Variants in FAR2 observed in about 807,000 individuals in gnomAD.
FAR2 encodes the protein epididymis secretory protein Li 81.
In FAR2, 19 loss-of-function variants were observed where a neutral mutation model predicts 56.0. The ratio of observed to expected loss-of-function variants is 0.34; its 90% CI spans 0.24 to 0.50. The LOEUF (loss-of-function observed/expected upper bound fraction) is 0.50, where lower values mean the gene tolerates loss of function less well. Ranked by LOEUF, FAR2 falls within the 20% of genes least tolerant of loss-of-function variation. FAR2 has a pLI of 0.98. For synonymous variants in FAR2, 219 were observed against 218.8 expected (o/e 1.00, Z -0.01); for missense variants, 508 against 642.2 (o/e 0.79, Z 2.26).
At chr12:29,194,337 T>A (rs1950127173) in intron 1 of FAR2, among the ~76,000 whole-genome samples, 1 of 152,174 alleles carries the variant, frequency 6.6e-6, no homozygotes, top group Admixed American at 6.5e-5. Context: ...ATTCCCAGTA[T>A]GTGAACTCGT....
chr12:29,245,946 A>G (rs975396093), intron 1 of FAR2, among the ~76,000 whole-genome samples: 13 of 152,138 alleles, frequency 8.5e-5, no homozygotes, highest in Non-Finnish European at 1.9e-4. Flanking sequence ...CAAATGATTT[A>G]CTATTCATCA....
chr12:29,181,600 A>G (rs879717868), intron 1 of FAR2, among the ~76,000 whole-genome samples: 4 of 152,036 alleles, frequency 2.6e-5, no homozygotes, highest in Admixed American at 1.3e-4. Flanking sequence ...CCACCAGAAT[A>G]ACAGACCTAA....
chr12:29,317,107 G>A lies in FAR2; in HGVS notation c.1127+95G>A, dbSNP rs1039195702. 8.1e-5 allele frequency: 107 copies of A among 1,328,806 alleles called. 1 individual carries two copies. In the African/African-American group the frequency reaches 1.5e-3, roughly 18 times the overall value. 82.3% of individuals were successfully genotyped at this position (1,328,806 alleles called of 1,614,324 possible). ...CTTCCTTCAGCCGAGGATTAAAGGA[G>A]ACAACTGAATCTTACCCATATATAC... is the stretch of plus-strand genomic sequence containing the variant. On this transcript the variant is annotated intron_variant, in intron 9 of 11. Transcript: ENST00000536681.
intron 2 of FAR2, among the ~76,000 whole-genome samples, chr12:29,273,735 G>A (rs968767389): frequency 4.6e-5 from 7 of 152,264 alleles, no homozygotes; most frequent in Non-Finnish European, 1.0e-4. Flanking sequence ...GAGGCTGTAA[G>A]AATCTGCACT....
intron 2 of FAR2, among the ~76,000 whole-genome samples, chr12:29,290,291 C>T (rs544389162): frequency 3.3e-5 from 5 of 151,918 alleles, no homozygotes; most frequent in Non-Finnish European, 7.4e-5. Flanking sequence ...ACTAAAAATA[C>T]AAAAATTGGC....
intron 3 of FAR2, among the ~76,000 whole-genome samples, chr12:29,296,197 A>G (rs889979379): frequency 3.9e-5 from 6 of 151,952 alleles, no homozygotes; most frequent in African/African-American, 1.4e-4. Flanking sequence ...CTGTCTTTTT[A>G]GTATCTATAT....
chr12:29,171,197 C>T (rs1033085164), intron 1 of FAR2, among the ~76,000 whole-genome samples: 3 of 152,170 alleles, frequency 2.0e-5, no homozygotes, highest in African/African-American at 7.2e-5. Context: ...AATTTCCTGG[C>T]CATCAATGAG....
At position 29,307,649 on chromosome 12, in the gene FAR2, A is replaced by G. The variant is rs555974387; in HGVS notation, c.546-9A>G. ...ATGTTACTAGAATTCTCTTTACTCT[A>G]CCTTTTAGGTGGTTAGACGATGCTA... On this transcript the variant is annotated splice_polypyrimidine_tract_variant and intron_variant, in intron 4 of 11. Coordinates refer to ENST00000536681, the MANE Select transcript of FAR2 (RefSeq NM_001271783.2). The G allele has an allele frequency of 5.6e-6, 9 of 1,600,336 alleles. No individual in the cohort carries two copies. In the African/African-American group the frequency reaches 1.2e-4, roughly 22 times the overall value.
At chr12:29,222,896 C>T (rs559921107) in intron 1 of FAR2, among the ~76,000 whole-genome samples, 86 of 152,270 alleles carry the variant, frequency 5.6e-4, no homozygotes, top group Middle Eastern at 3.4e-3. Flanking sequence ...AGGTAACTGA[C>T]GCCAGCTGTC....
At chr12:29,207,305 T>C (rs1947487448) in intron 1 of FAR2, among the ~76,000 whole-genome samples, 1 of 152,208 alleles carries the variant, frequency 6.6e-6, no homozygotes, top group Admixed American at 6.5e-5. Context: ...TGTAGACACA[T>C]GCTAATACTT....
intron 1 of FAR2, among the ~76,000 whole-genome samples, chr12:29,263,952 A>G (rs1948468477): frequency 6.6e-6 from 1 of 152,150 alleles, no homozygotes; most frequent in Non-Finnish European, 1.5e-5. Context: ...TTCCAAACTC[A>G]TTTTATAATA....
intron 1 of FAR2, among the ~76,000 whole-genome samples, chr12:29,256,650 C>T (rs192939769): frequency 4.0e-4 from 61 of 152,328 alleles, no homozygotes; most frequent in African/African-American, 1.4e-3. Flanking sequence ...GAGGGAGAGG[C>T]GCGGGCGGGA....
At chr12:29,234,184 C>G (rs946395202) in intron 1 of FAR2, among the ~76,000 whole-genome samples, 2 of 152,084 alleles carry the variant, frequency 1.3e-5, no homozygotes, top group African/African-American at 4.8e-5. Context: ...TGCTGACCCT[C>G]CAAACTAGAA....
intron 1 of FAR2, among the ~76,000 whole-genome samples, chr12:29,244,154 G>A (rs547218334): frequency 6.6e-6 from 1 of 152,094 alleles, no homozygotes; most frequent in Non-Finnish European, 1.5e-5. Flanking sequence ...ATCTGATTGA[G>A]TTAAAAATAA....
chr12:29,217,876 A>G (rs1947640996), intron 1 of FAR2, among the ~76,000 whole-genome samples: 1 of 152,214 alleles, frequency 6.6e-6, no homozygotes, highest in Admixed American at 6.5e-5. Flanking sequence ...AAAGCTCTTT[A>G]AAATAACTAT....
intron 1 of FAR2, among the ~76,000 whole-genome samples, chr12:29,158,063 A>C (rs1184715992): frequency 6.6e-6 from 1 of 152,230 alleles, no homozygotes; most frequent in African/African-American, 2.4e-5. Flanking sequence ...TCAGTTAGTG[A>C]AATCATAGAG....
intron 9 of FAR2, among the ~76,000 whole-genome samples, chr12:29,321,253 C>T (rs1367132730): frequency 6.6e-6 from 1 of 152,126 alleles, no homozygotes; most frequent in Admixed American, 6.5e-5. Flanking sequence ...AGGCCAGGTG[C>T]AGTGGCTCAT....
At chr12:29,170,440 G>T (rs1949873943) in intron 1 of FAR2, among the ~76,000 whole-genome samples, 1 of 152,200 alleles carries the variant, frequency 6.6e-6, no homozygotes, top group Non-Finnish European at 1.5e-5. Context: ...CTGACAACAA[G>T]GTGGTACTGG....
intron 11 of FAR2, 105 bp from the exon 12 acceptor site, chr12:29,333,527 C>T (rs1279805196): frequency 3.7e-6 from 4 of 1,069,188 alleles, no homozygotes; most frequent in Non-Finnish European, 5.5e-6. Context: ...CTGAGCACTT[C>T]ATAAATACTT....
Sources: allele counts gnomAD v4.1 joint callset (sites outside exome capture counted in the v4.1 genomes callset), GRCh38; gene constraint gnomAD v4.1.1; transcripts MANE v1.5; gene names NCBI Gene and HGNC (gene_info 2026-07-23, HGNC 2026-07-21).